The following PCDH15 variants were observed in gnomAD, a reference collection of about 807,000 sequenced individuals.
The protein encoded by PCDH15 is protocadherin-15.
Under a neutral mutation model 178.5 loss-of-function variants are expected in PCDH15, and 129 were observed. The observed-to-expected ratio is 0.72, with a 90% CI of 0.63 to 0.84. The LOEUF is 0.84. PCDH15 is among the 40% of genes least tolerant of loss of function. The pLI is 0.00. For synonymous variants in PCDH15, 800 were observed against 732.0 expected (o/e 1.09, Z -1.50); for missense variants, 2,230 against 2,099.9 (o/e 1.06, Z -1.21).
At chr10:54,791,226 A>G (rs983223995) in intron 1 of PCDH15, among the ~76,000 whole-genome samples, 1 of 151,976 alleles carries the variant, frequency 6.6e-6, no homozygotes, top group Non-Finnish European at 1.5e-5. Context: ...GGTAGTACTC[A>G]GCAATCAAGT....
intron 3 of PCDH15, among the ~76,000 whole-genome samples, chr10:54,836,563 G>A (rs545964352): frequency 6.6e-6 from 1 of 152,168 alleles, no homozygotes; most frequent in East Asian, 1.9e-4. Flanking sequence ...TTATGTGTGT[G>A]TCTCTGTGTG....
chr10:54,859,421 G>A (rs1356762801), intron 3 of PCDH15, among the ~76,000 whole-genome samples: 4 of 151,760 alleles, frequency 2.6e-5, no homozygotes, highest in East Asian at 1.9e-4. Context: ...ATAGGACTTC[G>A]TTTTCTTTCT....
At chr10:54,276,086 A>G (rs191605857) in intron 8 of PCDH15, among the ~76,000 whole-genome samples, 2 of 133,730 alleles carry the variant, frequency 1.5e-5, no homozygotes, top group Non-Finnish European at 3.0e-5. Flanking sequence ...GTATTTAAAT[A>G]AAAAAAAGAC....
chr10:54,797,765 C>T (rs1027506787), intron 1 of PCDH15, among the ~76,000 whole-genome samples: 17 of 151,878 alleles, frequency 1.1e-4, no homozygotes, highest in African/African-American at 3.6e-4. Flanking sequence ...TTTCTATGCT[C>T]CTTATATTAA....
intron 1 of PCDH15, among the ~76,000 whole-genome samples, chr10:55,267,897 T>C (rs1050438335): frequency 2.0e-5 from 3 of 152,156 alleles, no homozygotes. Flanking sequence ...CCAGACACAA[T>C]TGAAATATAG....
At chr10:53,936,829 C>T (rs2085618457) in intron 25 of PCDH15, among the ~76,000 whole-genome samples, 3 of 151,998 alleles carry the variant, frequency 2.0e-5, no homozygotes, top group African/African-American at 7.2e-5. Context: ...GCAACTAATT[C>T]TGCTGCAGAG....
At chr10:55,015,495 A>G (rs1463879357) in intron 2 of PCDH15, among the ~76,000 whole-genome samples, 2 of 152,146 alleles carry the variant, frequency 1.3e-5, no homozygotes, top group African/African-American at 4.8e-5. Flanking sequence ...TGTTCAATGT[A>G]CTTAGGAAGT....
At chr10:54,238,766 C>T (rs2054915310) in intron 8 of PCDH15, among the ~76,000 whole-genome samples, 2 of 149,686 alleles carry the variant, frequency 1.3e-5, no homozygotes, top group African/African-American at 2.5e-5. Context: ...TCTCCCTAAA[C>T]TGAAAAAAAA....
rs528440827 is a variant in PCDH15, at chr10:55,487,892, G to A, written c.-156+139733C>T. Among the ~76,000 whole-genome samples, 90 of 151,482 alleles carry A rather than the reference G, an allele frequency of 5.9e-4. 7 individuals carry two copies. The South Asian group carries it at 0.019, about 31-fold the overall frequency. On this transcript the variant is annotated intron_variant, in intron 2 of 5. Transcript: ENST00000613346. Reference sequence around the variant, plus strand: ...TGTATATAATTAAGCCTATACTCAAGTTAAAAAGAGGTGAACATAAGATTT... The same window carrying A: ...TGTATATAATTAAGCCTATACTCAAATTAAAAAGAGGTGAACATAAGATTT...
chr10:54,682,350 G>A (rs1007765140), intron 1 of PCDH15, among the ~76,000 whole-genome samples: 1 of 152,034 alleles, frequency 6.6e-6, no homozygotes, highest in Non-Finnish European at 1.5e-5. Context: ...CTCTTCTGTT[G>A]TATTCACCAC....
intron 1 of PCDH15, among the ~76,000 whole-genome samples, chr10:55,227,890 A>G (rs1325054504): frequency 6.6e-6 from 1 of 152,048 alleles, no homozygotes; most frequent in Non-Finnish European, 1.5e-5. Flanking sequence ...CACAAAACAT[A>G]CATAATTTTT....
At chr10:55,332,149 C>A (rs1844219134) in intron 2 of PCDH15, among the ~76,000 whole-genome samples, 1 of 152,018 alleles carries the variant, frequency 6.6e-6, no homozygotes, top group Admixed American at 6.6e-5. Context: ...TTCTCTTATT[C>A]TCTGGTTACC....
At chr10:54,708,226 T>C (rs1054927948) in intron 1 of PCDH15, among the ~76,000 whole-genome samples, 2 of 152,178 alleles carry the variant, frequency 1.3e-5, no homozygotes, top group African/African-American at 2.4e-5. Context: ...ACTTGCTAAA[T>C]AGAAGTGGAA....
intron 2 of PCDH15, among the ~76,000 whole-genome samples, chr10:54,999,053 TTCTTGTTG>T (rs1839724996): frequency 6.7e-6 from 1 of 148,716 alleles, no homozygotes; most frequent in African/African-American, 2.4e-5. Flanking sequence ...ATAAAGCACT[TTCTTGTTG>T]TTTTTTTGTT....
intron 1 of PCDH15, among the ~76,000 whole-genome samples, chr10:55,208,557 C>T (rs1840470459): frequency 6.6e-6 from 1 of 151,862 alleles, no homozygotes. Context: ...AATATCTTTT[C>T]CCAATATTGG....
At chr10:54,416,008 G>A (rs1316183618) in intron 3 of PCDH15, among the ~76,000 whole-genome samples, 1 of 151,968 alleles carries the variant, frequency 6.6e-6, no homozygotes. Context: ...TGGATGCCCA[G>A]GCTGGAGTGC....
Position 53,809,837 on chromosome 10 carries a change from T to A in PCDH15, c.4671+719A>T, listed in dbSNP as rs573454581. Among the ~76,000 whole-genome samples the A allele has an allele frequency of 7.2e-5, 11 of 152,334 alleles. No individual in the cohort carries two copies. The South Asian group carries it at 2.3e-3, about 32-fold the overall frequency. Reference sequence around the variant, plus strand: ...TTAGATCAAATAAAAAAGAAAGAATTATTGTCTCTTCCTTCCTTCCTTCTT... The same window carrying A: ...TTAGATCAAATAAAAAAGAAAGAATAATTGTCTCTTCCTTCCTTCCTTCTT... On this transcript the variant is annotated intron_variant, in intron 37 of 37. Coordinates refer to ENST00000644397, the MANE Select transcript of PCDH15 (RefSeq NM_001384140.1).
chr10:54,925,980 C>A (rs913581505), intron 2 of PCDH15, among the ~76,000 whole-genome samples: 2 of 152,064 alleles, frequency 1.3e-5, no homozygotes, highest in Admixed American at 1.3e-4. Flanking sequence ...ACTTCCAATA[C>A]TGTGTGTAAT....
At chr10:54,192,686 C>A (rs1243977813) in intron 11 of PCDH15, among the ~76,000 whole-genome samples, 1 of 151,980 alleles carries the variant, frequency 6.6e-6, no homozygotes, top group African/African-American at 2.4e-5. Context: ...TACTAGAAGA[C>A]TAGGCATACT....
Sources: gnomAD v4.1 joint callset for allele counts (sites outside exome capture counted in the v4.1 genomes callset) on GRCh38, gnomAD v4.1.1 for gene constraint, MANE v1.5 for transcripts, NCBI Gene and HGNC (gene_info 2026-07-23, HGNC 2026-07-21) for gene names.